The following SLC49A4 variants were observed in gnomAD, a reference collection of about 807,000 sequenced individuals.
SLC49A4 encodes the protein disrupted in renal cancer protein 2.
Under a neutral mutation model 50.6 loss-of-function variants are expected in SLC49A4, and 36 were observed. The observed-to-expected ratio is 0.71, with a 90% confidence interval of 0.55 to 0.94. The LOEUF is 0.94. SLC49A4 is among the 40% of genes least tolerant of loss of function. SLC49A4 has a pLI of 0.00. For synonymous variants in SLC49A4, 248 were observed against 241.2 expected, an observed-to-expected ratio of 1.03 and a Z score of -0.26; for missense variants, 503 against 605.7, an observed-to-expected ratio of 0.83 and a Z score of 1.78.
At chr3:122,831,994 A>G (rs1425926276) in intron 3 of SLC49A4, among the ~76,000 whole-genome samples, 1 of 152,022 alleles carries the variant, frequency 6.6e-6, no homozygotes, top group African/African-American at 2.4e-5. Context: ...AAAAAAAGGA[A>G]TCTGCTAACA....
At chr3:122,814,217 G>A (rs1439929456) in intron 2 of SLC49A4, among the ~76,000 whole-genome samples, 2 of 152,116 alleles carry the variant, frequency 1.3e-5, no homozygotes, top group African/African-American at 2.4e-5. Flanking sequence ...ACAGTGAGCC[G>A]AGATTGCGCC....
At chr3:122,854,661 A>G (rs1447433163) in intron 5 of SLC49A4, among the ~76,000 whole-genome samples, 3 of 152,214 alleles carry the variant, frequency 2.0e-5, no homozygotes, top group African/African-American at 7.2e-5. Context: ...ACTTATGCTC[A>G]CTTCCATTAA....
intron 3 of SLC49A4, among the ~76,000 whole-genome samples, chr3:122,831,009 C>T (rs886233763): frequency 3.3e-5 from 5 of 152,112 alleles, no homozygotes; most frequent in African/African-American, 7.2e-5. Context: ...AAATGTTCAT[C>T]GAACACATGA....
rs1283699386 is a variant in SLC49A4, at chr3:122,880,317, C to A, written c.*939C>A. 6.6e-6 allele frequency: 1 copy of A among 151,958 alleles called. No homozygotes were observed. 9.4% of individuals were successfully genotyped at this position (151,958 alleles called of 1,614,324 possible). A position where few individuals can be genotyped will look rare whatever the true frequency, so the allele number is the denominator to read the frequency against. On this transcript the variant is annotated 3_prime_UTR_variant, in exon 9 of 9. Coordinates refer to ENST00000261038, the MANE Select transcript of SLC49A4 (RefSeq NM_032839.3). ...ATCACATTGAAACTTTCAGCTCTGT[C>A]GAATGATTTCTGAATTACATCCTGT... is the stretch of plus-strand genomic sequence containing the variant.
chr3:122,870,677 G>A (rs1309071040), intron 7 of SLC49A4, among the ~76,000 whole-genome samples: 2 of 151,566 alleles, frequency 1.3e-5, no homozygotes, highest in Non-Finnish European at 2.9e-5. Context: ...GCTTGGCATG[G>A]TGGCACGAAC....
chr3:122,879,168 AC>A, intron 8 of SLC49A4, 94 bp from the exon 9 acceptor site: 1 of 856,678 alleles, frequency 1.2e-6, no homozygotes, highest in Middle Eastern at 2.4e-4. Flanking sequence ...TATTATAAGT[AC>A]TTTTTAATGC....
intron 4 of SLC49A4, among the ~76,000 whole-genome samples, chr3:122,834,324 T>C (rs1936646793): frequency 6.6e-6 from 1 of 152,154 alleles, no homozygotes; most frequent in African/African-American, 2.4e-5. Context: ...TTTCTGATAG[T>C]CTTCAATAAA....
In SLC49A4 at chr3:122,795,296, C is replaced by T; in HGVS notation, c.104C>T (p.Ala35Val). Residue 35 changes from alanine to valine, a missense_variant, in exon 1 of 9, where the codon GCG becomes GTG. Transcript: ENST00000261038. ...ASWRSREAAA[A>V]ALPAAVPGPG... ...TGGAGAAGCCGGGAGGCGGCGGCGG[C>T]GGCGCTGCCCGCGGCGGTCCCGGGT... 2 of 1,434,082 alleles carry T rather than the reference C, an allele frequency of 1.4e-6. No homozygotes were observed. Among genetic ancestry groups the T allele is most frequent in the South Asian group, 1.4e-5 (1 of 69,092 alleles). The allele number at this position is 1,434,082 out of a possible 1,614,324, so 88.8% of individuals were successfully genotyped here. A position where few individuals can be genotyped will look rare whatever the true frequency, so the allele number is the denominator to read the frequency against.
intron 7 of SLC49A4, among the ~76,000 whole-genome samples, chr3:122,872,117 G>A (rs1439861609): frequency 1.3e-5 from 2 of 152,102 alleles, no homozygotes; most frequent in Admixed American, 6.5e-5. Flanking sequence ...GACCAAGCAG[G>A]AGAAGAATCC....
intron 4 of SLC49A4, 21 bp from the exon 5 acceptor site, chr3:122,845,742 C>T: frequency 7.2e-7 from 1 of 1,393,370 alleles, no homozygotes; most frequent in Admixed American, 2.1e-5. Context: ...TACAATGTTT[C>T]CTTTTATTTC....
intron 5 of SLC49A4, among the ~76,000 whole-genome samples, chr3:122,851,712 G>T (rs1329598542): frequency 6.6e-6 from 1 of 152,024 alleles, no homozygotes; most frequent in African/African-American, 2.4e-5. Flanking sequence ...TCTAGTCAGT[G>T]TCTCTTCAAA....
intron 5 of SLC49A4, among the ~76,000 whole-genome samples, chr3:122,849,805 G>C (rs2107575542): frequency 6.6e-6 from 1 of 151,796 alleles, no homozygotes; most frequent in East Asian, 1.9e-4. Context: ...TGTTTCCTTT[G>C]CTGTTCAGAA....
chr3:122,873,145 C>T (rs911988033), intron 8 of SLC49A4, among the ~76,000 whole-genome samples: 3 of 151,974 alleles, frequency 2.0e-5, no homozygotes, highest in Non-Finnish European at 4.4e-5. Context: ...GAAATAATAA[C>T]CGTGCTAACC....
At chr3:122,847,620 C>T (rs1936872267) in intron 5 of SLC49A4, among the ~76,000 whole-genome samples, 1 of 151,962 alleles carries the variant, frequency 6.6e-6, no homozygotes, top group Non-Finnish European at 1.5e-5. Context: ...GCTGGGATTA[C>T]AGGCGTGAGC....
intron 8 of SLC49A4, among the ~76,000 whole-genome samples, chr3:122,873,717 C>T (rs1937224875): frequency 6.6e-6 from 1 of 152,170 alleles, no homozygotes; most frequent in South Asian, 2.1e-4. Context: ...AGTCAGAAGG[C>T]CACTCTTTGT....
intron 2 of SLC49A4, among the ~76,000 whole-genome samples, chr3:122,826,511 C>A (rs1431189851): frequency 3.9e-5 from 6 of 152,108 alleles, no homozygotes; most frequent in Non-Finnish European, 8.8e-5. Flanking sequence ...AAGCAAGGTT[C>A]TAAGTACTTA....
intron 4 of SLC49A4, among the ~76,000 whole-genome samples, chr3:122,834,711 T>C (rs1936653813): frequency 6.6e-6 from 1 of 150,974 alleles, no homozygotes; most frequent in Non-Finnish European, 1.5e-5. Context: ...AAAACAAAGA[T>C]CAGAGCAGAA....
At chr3:122,864,637 A>T (rs1421178172) in intron 7 of SLC49A4, among the ~76,000 whole-genome samples, 2 of 152,306 alleles carry the variant, frequency 1.3e-5, no homozygotes, top group East Asian at 3.9e-4. Flanking sequence ...AACTAGCTAG[A>T]CAGAAGCCCC....
intron 6 of SLC49A4, among the ~76,000 whole-genome samples, chr3:122,857,992 A>G (rs545702935): frequency 1.3e-3 from 198 of 152,326 alleles, no homozygotes; most frequent in Non-Finnish European, 2.4e-3. Flanking sequence ...CTAAAAAAAT[A>G]CTACCCTTAC....
Sources: gnomAD v4.1 joint callset for allele counts (sites outside exome capture counted in the v4.1 genomes callset) on GRCh38, gnomAD v4.1.1 for gene constraint, MANE v1.5 for transcripts, NCBI Gene and HGNC (gene_info 2026-07-23, HGNC 2026-07-21) for gene names.